The following TMPRSS6 variants were observed in gnomAD, a reference collection of about 807,000 sequenced individuals.
TMPRSS6 encodes transmembrane serine protease 6.
A neutral mutation model predicts 101.5 loss-of-function variants in TMPRSS6; 67 were observed. The observed-to-expected ratio is 0.66, with a 90% CI of 0.54 to 0.81. The LOEUF (loss-of-function observed/expected upper bound fraction) is 0.81. Ranked by LOEUF, TMPRSS6 falls within the 30% of genes least tolerant of loss-of-function variation. TMPRSS6 has a pLI of 0.00. For missense variants in TMPRSS6, 1,034 were observed against 1,088.7 expected, an observed-to-expected ratio of 0.95 and a Z score of 0.71; for synonymous variants, 453 against 464.9, an observed-to-expected ratio of 0.97 and a Z score of 0.33.
In TMPRSS6 at chr22:37,103,936, C is replaced by G. The variant is rs186923420; in HGVS notation, c.-1-518G>C. On this transcript the variant is annotated intron_variant, in intron 1 of 17. Transcript: ENST00000676104. The surrounding 1 kb of genome is among the most constrained non-coding windows in gnomAD (Gnocchi z 4.4). ...CCCCTGAGCTGGCACTGCGCTGGGC[C>G]GGGGACCTGCCTTCCTTCACAGAGT... 8.3e-4 allele frequency among the ~76,000 whole-genome samples: 127 copies of G among 152,316 alleles called. No homozygotes were observed. The highest frequency in any genetic ancestry group is 2.0e-3 in the Admixed American group (31 of 15,296).
In TMPRSS6 at chr22:37,096,009, C is replaced by T. The variant is rs1555892011; in HGVS notation, c.486G>A (p.Val162=). The T allele has an allele frequency of 3.1e-6, 5 of 1,614,232 alleles. No individual in the cohort carries two copies. The South Asian group carries it at 4.4e-5, about 14-fold the overall frequency. Residue 162 remains valine (V), a synonymous_variant, in exon 5 of 18, where the codon GTG becomes GTA. Coordinates refer to ENST00000676104, the MANE Select transcript of TMPRSS6 (RefSeq NM_001374504.1). ...HRRLMLSPEV[V]QALLVEELLS... ...GCAGCTCCTCCACCAGCAGTGCCTG[C>T]ACCACCTCGGGGCTCAGCATCAGCC...
chr22:37,088,582 G>A (rs2146120561), intron 7 of TMPRSS6, among the ~76,000 whole-genome samples: 1 of 152,216 alleles, frequency 6.6e-6, no homozygotes, highest in African/African-American at 2.4e-5. Context: ...AGAGGTCAAG[G>A]CCATTTCCAG....
intron 10 of TMPRSS6, 158 bp downstream of exon 10, chr22:37,084,137 G>A (rs774063335): frequency 5.7e-6 from 4 of 699,776 alleles, no homozygotes; most frequent in South Asian, 5.1e-5. Context: ...CAAGGTCAAG[G>A]GCAACAGGCC....
At chr22:37,108,956 G>A (rs574453040) in intron 1 of TMPRSS6, among the ~76,000 whole-genome samples, 4 of 152,234 alleles carry the variant, frequency 2.6e-5, no homozygotes, top group East Asian at 1.9e-4. Context: ...GGAGACACGC[G>A]GAGGGATATA....
intron 6 of TMPRSS6, among the ~76,000 whole-genome samples, chr22:37,090,699 T>C (rs1929185317): frequency 6.6e-6 from 1 of 152,156 alleles, no homozygotes; most frequent in Non-Finnish European, 1.5e-5. Flanking sequence ...ACCTAATCTT[T>C]CCTGGGCCTT....
At chr22:37,078,043 CTGTT>C (rs895588312) in intron 10 of TMPRSS6, among the ~76,000 whole-genome samples, 3 of 152,226 alleles carry the variant, frequency 2.0e-5, no homozygotes, top group Admixed American at 2.0e-4. Context: ...GTTTTGGTGT[CTGTT>C]TGTCTATAAA....
At chr22:37,078,964 A>AAAG (rs1189133072) in intron 10 of TMPRSS6, among the ~76,000 whole-genome samples, 3 of 80,400 alleles carry the variant, frequency 3.7e-5, no homozygotes, top group African/African-American at 1.3e-4. Flanking sequence ...AAAGAGAAAG[A>AAAG]AAGAAAGAAA....
intron 10 of TMPRSS6, among the ~76,000 whole-genome samples, chr22:37,081,765 A>G (rs1601540628): frequency 6.6e-6 from 1 of 152,230 alleles, no homozygotes; most frequent in African/African-American, 2.4e-5. Context: ...AGACAGGGAC[A>G]AGAGGCCAAG....
rs188365444 is a variant in TMPRSS6, at chr22:37,101,941, G to A, written c.202+1275C>T. Among the ~76,000 whole-genome samples, 10 of 152,296 alleles carry A rather than the reference G, an allele frequency of 6.6e-5. No homozygotes were observed. The highest frequency in any genetic ancestry group is 2.1e-4 in the South Asian group (1 of 4,830). On this transcript the variant is annotated intron_variant, in intron 2 of 17. Transcript: ENST00000676104. This position sits in a 1 kb window ranked among gnomAD's most constrained non-coding sequence, Gnocchi z 4.1. ...AATGCACATGGCGTCTACTGCCTGCGTTGCTCAACTCTGGGTAGAATCACT... is the reference window on the plus strand; with the variant it reads ...AATGCACATGGCGTCTACTGCCTGCATTGCTCAACTCTGGGTAGAATCACT...
chr22:37,081,257 C>T (rs1291356180), intron 10 of TMPRSS6, among the ~76,000 whole-genome samples: 2 of 152,200 alleles, frequency 1.3e-5, no homozygotes, highest in South Asian at 2.1e-4. Flanking sequence ...GTTCTCCACG[C>T]GTTGTCTCAC....
chr22:37,103,200 G>A lies in TMPRSS6; in HGVS notation c.202+16C>T, dbSNP rs775510580. ...TCCTCCCCAGGTGCCTCTCCCAGGCGGTCCCACAACGTTACCTAGGAAATA... is the reference window on the plus strand; with the variant it reads ...TCCTCCCCAGGTGCCTCTCCCAGGCAGTCCCACAACGTTACCTAGGAAATA... On this transcript the variant is annotated intron_variant, in intron 2 of 17. Coordinates refer to ENST00000676104, the MANE Select transcript of TMPRSS6 (RefSeq NM_001374504.1). This position sits in a 1 kb window ranked among gnomAD's most constrained non-coding sequence, Gnocchi z 4.4. 3.4e-5 allele frequency: 55 copies of A among 1,613,374 alleles called. No homozygotes were observed. Among genetic ancestry groups the A allele is most frequent in the African/African-American group, 5.3e-5 (4 of 74,898 alleles).
At chr22:37,076,515 T>G (rs1927684547) in intron 10 of TMPRSS6, among the ~76,000 whole-genome samples, 1 of 151,888 alleles carries the variant, frequency 6.6e-6, no homozygotes, top group Non-Finnish European at 1.5e-5. Context: ...AGTCTTTCTC[T>G]CCTACCAGAG....
rs1286474550 is a variant in TMPRSS6, at chr22:37,101,738, C to T, written c.202+1478G>A. ...TCTCCTGGGGTGGGGGGTGATTTAC[C>T]CCAGGAGCATAATCAGGGGGAATTA... On this transcript the variant is annotated intron_variant, in intron 2 of 17. Coordinates refer to ENST00000676104, the MANE Select transcript of TMPRSS6 (RefSeq NM_001374504.1). This position sits in a 1 kb window ranked among gnomAD's most constrained non-coding sequence, Gnocchi z 4.1. 1.3e-5 allele frequency among the ~76,000 whole-genome samples: 2 copies of T among 152,098 alleles called. No individual in the cohort carries two copies. Among genetic ancestry groups the T allele is most frequent in the Non-Finnish European group, 2.9e-5 (2 of 67,998 alleles).
At chr22:37,110,271 G>A (rs1930979268), upstream of TMPRSS6, among the ~76,000 whole-genome samples, 1 of 151,414 alleles carries the variant, frequency 6.6e-6, no homozygotes, top group Non-Finnish European at 1.5e-5. Context: ...AGCCTCCCAG[G>A]TAGCTGGGAT....
intron 13 of TMPRSS6, among the ~76,000 whole-genome samples, chr22:37,072,539 ATGATGGATGAAT>A (rs1927134909): frequency 7.3e-6 from 1 of 137,044 alleles, no homozygotes; most frequent in Admixed American, 7.3e-5. Flanking sequence ...GAATGGATGG[ATGATGGATGAAT>A]GGATGGATGA....
At chr22:37,108,974 C>T (rs1244830194) in intron 1 of TMPRSS6, among the ~76,000 whole-genome samples, 3 of 152,162 alleles carry the variant, frequency 2.0e-5, no homozygotes, top group Non-Finnish European at 2.9e-5. Flanking sequence ...ATACGCACAT[C>T]TATTCATGAC....
intron 16 of TMPRSS6, chr22:37,068,596 T>G (rs1296527475): frequency 1.3e-6 from 1 of 779,622 alleles, no homozygotes; most frequent in Non-Finnish European, 2.4e-6. Context: ...GCTCCAGTCC[T>G]CTCTGGCTGT....
At chr22:37,083,122 G>C (rs751978129) in intron 10 of TMPRSS6, 1 of 469,202 alleles carries the variant, frequency 2.1e-6, no homozygotes. Flanking sequence ...TTTCATACTA[G>C]ACTCTGAACC....
At chr22:37,075,458 C>G (rs1383791157) in intron 10 of TMPRSS6, among the ~76,000 whole-genome samples, 178 bp from the exon 11 acceptor site, 2 of 152,224 alleles carry the variant, frequency 1.3e-5, no homozygotes, top group African/African-American at 2.4e-5. Flanking sequence ...TAGAAACTAG[C>G]CTGGCTATGC....
Sources: allele counts gnomAD v4.1 joint callset (sites outside exome capture counted in the v4.1 genomes callset), GRCh38; gene constraint gnomAD v4.1.1; non-coding constraint Gnocchi (gnomAD v3.1); transcripts MANE v1.5; gene names NCBI Gene and HGNC (gene_info 2026-07-23, HGNC 2026-07-21).